MAGOH: variants seen among roughly 807,000 people sequenced by gnomAD.
MAGOH encodes protein mago nashi homolog.
MAGOH carries 3 observed loss-of-function variants against 20.9 expected under a neutral mutation model. That is an observed-to-expected ratio of 0.14 (90% confidence interval 0.07 to 0.37). The LOEUF (loss-of-function observed/expected upper bound fraction) is 0.37. Among genes scored for constraint, MAGOH ranks in the 10% least tolerant of loss-of-function variants. MAGOH has a pLI of 1.00. For missense variants in MAGOH, 66 were observed against 178.1 expected, an observed-to-expected ratio of 0.37 and a Z score of 3.58; for synonymous variants, 51 against 61.0, an observed-to-expected ratio of 0.84 and a Z score of 0.76.
At chr1:53,234,229 C>A (rs1645600282) in intron 2 of MAGOH, among the ~76,000 whole-genome samples, 1 of 152,142 alleles carries the variant, frequency 6.6e-6, no homozygotes, top group Non-Finnish European at 1.5e-5. Flanking sequence ...CCTCACTAGA[C>A]ACTGAACTTG....
At chr1:53,232,538 GA>G (rs1412383631) in intron 3 of MAGOH, among the ~76,000 whole-genome samples, 6 of 152,330 alleles carry the variant, frequency 3.9e-5, no homozygotes, top group Admixed American at 1.3e-4. Context: ...AGACATCACT[GA>G]GGAAGTGACT....
At chr1:53,233,280 C>A in intron 3 of MAGOH, 6 of 266,222 alleles carry the variant, frequency 2.3e-5, no homozygotes, top group Admixed American at 9.8e-5. Flanking sequence ...TTTTTAGTTA[C>A]CAAAATGGTG....
At chr1:53,229,197 GTTT>G (rs779983646) in intron 3 of MAGOH, among the ~76,000 whole-genome samples, 2 of 141,428 alleles carry the variant, frequency 1.4e-5, no homozygotes, top group South Asian at 2.3e-4. Flanking sequence ...ATCTATGTAG[GTTT>G]TTTTTTTTTT....
chr1:53,231,412 T>G lies in MAGOH; in HGVS notation c.258+2130A>C, dbSNP rs888116428. On this transcript the variant is annotated intron_variant, in intron 3 of 4. Coordinates refer to ENST00000371470, the MANE Select transcript of MAGOH (RefSeq NM_002370.4). ...TGTAAAGAAGTCAAATTTACCAATC[T>G]TACCCCTTAAGGAGTTTTAAAAACT... Among the ~76,000 whole-genome samples the G allele has an allele frequency of 2.0e-5, 3 of 152,314 alleles. No homozygotes were observed. The South Asian group carries it at 6.2e-4, about 32-fold the overall frequency.
intron 1 of MAGOH, among the ~76,000 whole-genome samples, chr1:53,236,225 C>T (rs1645609543): frequency 6.6e-6 from 1 of 152,118 alleles, no homozygotes; most frequent in African/African-American, 2.4e-5. Flanking sequence ...TGAGATGAGC[C>T]CAGTGAATTT....
intron 3 of MAGOH, 116 bp from the exon 4 acceptor site, chr1:53,229,070 A>G: frequency 1.4e-6 from 1 of 690,686 alleles, no homozygotes; most frequent in South Asian, 1.6e-5. Context: ...CACAAAAACA[A>G]GGGCAGTTCA....
rs1362671691 is a variant in MAGOH at position 53,235,619 on chromosome 1, G to A, written c.105C>T (p.Ala35=). The change falls in exon 2 of 5, where the codon GCC becomes GCT. Residue 35 remains alanine (A), a synonymous_variant. Transcript: ENST00000371470. ...CATCATTCTTGTAATTGCTGTTGTT[G>A]GCATATCTTAACTTCCCTGTGGGGG... The part of the protein sequence containing the change: ...EFRPDGKLRY[A]NNSNYKNDVM... The A allele has an allele frequency of 5.0e-6, 8 of 1,613,628 alleles. No homozygotes were observed. The Admixed American group carries it at 1.0e-4, about 20-fold the overall frequency.
At chr1:53,231,811 A>G (rs1271534561) in intron 3 of MAGOH, among the ~76,000 whole-genome samples, 2 of 152,216 alleles carry the variant, frequency 1.3e-5, no homozygotes, top group Non-Finnish European at 2.9e-5. Flanking sequence ...AAAAAATCCT[A>G]CTGCGATTTT....
At chr1:53,227,838 C>T (rs1373106807) in intron 4 of MAGOH, among the ~76,000 whole-genome samples, 1 of 152,006 alleles carries the variant, frequency 6.6e-6, no homozygotes, top group African/African-American at 2.4e-5. Context: ...CACACCCGGC[C>T]CGAGTTAGGA....
chr1:53,237,260 T>C (rs1021844895), intron 1 of MAGOH, among the ~76,000 whole-genome samples: 12 of 151,650 alleles, frequency 7.9e-5, no homozygotes, highest in Non-Finnish European at 1.2e-4. Flanking sequence ...CCAACATCTT[T>C]CGTGTCTTGA....
intron 1 of MAGOH, among the ~76,000 whole-genome samples, chr1:53,236,938 C>T (rs1308952715): frequency 1.3e-5 from 2 of 151,034 alleles, no homozygotes; most frequent in African/African-American, 4.9e-5. Context: ...CTCTGTAGTC[C>T]CAACCAGTAT....
chr1:53,228,388 C>T lies in MAGOH; in HGVS notation c.341+484G>A, dbSNP rs571671689. ...CAGAGGTTGCAGTGAGCTGAGATTG[C>T]GCCACTGCACTCCAGTCCGGGTGAC... On this transcript the variant is annotated intron_variant, in intron 4 of 4. Transcript: ENST00000371470. Among the ~76,000 whole-genome samples, 44 of 152,152 alleles carry T rather than the reference C, an allele frequency of 2.9e-4. 1 individual carries two copies. Among genetic ancestry groups the T allele is most frequent in the East Asian group, 1.9e-4 (1 of 5,156 alleles).
chr1:53,235,095 T>C (rs890283125), intron 2 of MAGOH, among the ~76,000 whole-genome samples: 1 of 152,216 alleles, frequency 6.6e-6, no homozygotes, highest in Non-Finnish European at 1.5e-5. Context: ...ACATCTAACA[T>C]GCATTCAATG....
chr1:53,229,042 A>C, intron 3 of MAGOH, 88 bp from the exon 4 acceptor site: 1 of 882,894 alleles, frequency 1.1e-6, no homozygotes, highest in Non-Finnish European at 1.9e-6. Flanking sequence ...AAATCACACA[A>C]ACTTGACTAC....
intron 3 of MAGOH, among the ~76,000 whole-genome samples, chr1:53,231,041 C>T (rs776889813): frequency 9.9e-5 from 15 of 152,154 alleles, no homozygotes; most frequent in Non-Finnish European, 1.3e-4. Context: ...TACTCCCTAA[C>T]GCGGTTATAC....
intron 4 of MAGOH, 53 bp from the exon 5 acceptor site, chr1:53,227,197 G>A: frequency 1.0e-6 from 1 of 986,546 alleles, no homozygotes; most frequent in Non-Finnish European, 1.5e-6. Context: ...CCCATCAAGT[G>A]TCCCTAAAAA....
Position 53,227,016 on chromosome 1 carries a change from C to A in MAGOH, c.*29G>T. Reference sequence around the variant, plus strand: ...ATACACAAAATTTTCTACTCCCACCCACCCCCCATGTCCACACCAATATTC... The same window carrying A: ...ATACACAAAATTTTCTACTCCCACCAACCCCCCATGTCCACACCAATATTC... On this transcript the variant is annotated 3_prime_UTR_variant, in exon 5 of 5. Transcript: ENST00000371470. 4.9e-6 allele frequency: 5 copies of A among 1,027,816 alleles called. No individual in the cohort carries two copies. The highest frequency in any genetic ancestry group is 2.8e-4 in the Middle Eastern group (1 of 3,560). The allele number at this position is 1,027,816 out of a possible 1,614,324, so 63.7% of individuals were successfully genotyped here. A position where few individuals can be genotyped will look rare whatever the true frequency, so the allele number is the denominator to read the frequency against.
At chr1:53,238,204 C>G (rs1056033645) in intron 1 of MAGOH, among the ~76,000 whole-genome samples, 157 bp downstream of exon 1, 3 of 152,200 alleles carry the variant, frequency 2.0e-5, no homozygotes, top group African/African-American at 7.2e-5. Context: ...AGAAAGACCC[C>G]GTGGAGCAGA....
intron 3 of MAGOH, 48 bp downstream of exon 3, chr1:53,233,494 G>T (rs1645596301): frequency 7.7e-7 from 1 of 1,306,354 alleles, no homozygotes; most frequent in Non-Finnish European, 1.1e-6. Flanking sequence ...AGTGTGGGGG[G>T]TCTTATTTGT....
Sources: gnomAD v4.1 joint callset for allele counts (sites outside exome capture counted in the v4.1 genomes callset) on GRCh38, gnomAD v4.1.1 for gene constraint, MANE v1.5 for transcripts, NCBI Gene and HGNC (gene_info 2026-07-23, HGNC 2026-07-21) for gene names.